ARMC12: variants seen among roughly 807,000 people sequenced by gnomAD.
The protein encoded by ARMC12 is armadillo repeat-containing protein 12.
In ARMC12, 25 loss-of-function variants were observed where a neutral mutation model predicts 37.4. That is an observed-to-expected ratio of 0.67 (90% CI 0.49 to 0.93). The LOEUF (loss-of-function observed/expected upper bound fraction) is 0.93. Ranked by LOEUF, ARMC12 falls within the 40% of genes least tolerant of loss-of-function variation. ARMC12 has a pLI of 0.00. For synonymous variants in ARMC12, 167 were observed against 176.1 expected (o/e 0.95, Z 0.41); for missense variants, 384 against 426.6 (o/e 0.90, Z 0.88).
intron 3 of ARMC12, 25 bp downstream of exon 3, chr6:35,738,543 G>A (rs746452387): frequency 1.8e-5 from 29 of 1,613,400 alleles, no homozygotes; most frequent in Non-Finnish European, 2.5e-5. Context: ...GCGTGGTGGG[G>A]CATGCAGGAT....
chr6:35,738,973 A>G (rs1767083602), intron 3 of ARMC12, among the ~76,000 whole-genome samples: 1 of 152,102 alleles, frequency 6.6e-6, no homozygotes, highest in Non-Finnish European at 1.5e-5. Context: ...GGGTTCCCAC[A>G]ACTCCCTTTT....
At chr6:35,743,021 C>G (rs1280936721) in intron 3 of ARMC12, among the ~76,000 whole-genome samples, 5 of 152,186 alleles carry the variant, frequency 3.3e-5, no homozygotes, top group Non-Finnish European at 5.9e-5. Flanking sequence ...TTCTGAAACC[C>G]TGTCCCAGAC....
chr6:35,733,441 CTTAT>C (rs1335111494), upstream of ARMC12, among the ~76,000 whole-genome samples: 2 of 152,160 alleles, frequency 1.3e-5, no homozygotes, highest in Admixed American at 1.3e-4. Context: ...TGAAGTAAGT[CTTAT>C]TGTTTCTATT....
At position 35,737,077 on chromosome 6, in the gene ARMC12, C is replaced by T. The variant is rs1455894471; in HGVS notation, c.-32C>T. On this transcript the variant is annotated 5_prime_UTR_variant, in exon 1 of 6. Coordinates refer to ENST00000373866, the MANE Select transcript of ARMC12 (RefSeq NM_001286574.2). ...CCCCCCACAGGTGCCTTGGGCCTAG[C>T]TCTCACCTGGGCCCAGGGCAACACT... 6.2e-7 allele frequency: 1 copy of T among 1,611,850 alleles called. No individual in the cohort carries two copies. The highest frequency in any genetic ancestry group is 8.5e-7 in the Non-Finnish European group (1 of 1,178,574).
chr6:35,734,385 C>T (rs929377055), upstream of ARMC12, among the ~76,000 whole-genome samples: 1 of 152,194 alleles, frequency 6.6e-6, no homozygotes, highest in African/African-American at 2.4e-5. Flanking sequence ...CAGGCTCGAA[C>T]TCCTGGGCTC....
In ARMC12 at chr6:35,738,082, C is replaced by T. The variant is rs773605203; in HGVS notation, c.219C>T (p.Leu73=). 5 of 1,613,928 alleles carry T rather than the reference C, an allele frequency of 3.1e-6. No individual in the cohort carries two copies. In the African/African-American group the frequency reaches 4.0e-5, roughly 13 times the overall value. Residue 73 remains leucine (L), a synonymous_variant, in exon 2 of 6, where the codon CTC becomes CTT. Transcript: ENST00000373866. ...HGRDSGELRR[L]LNSLECKQDE... ...GGGACTCAGGTGAGCTCCGGAGGCT[C>T]CTCAACTCTTTGGAGTGCAAACAGG...
chr6:35,742,365 G>A (rs1161634740), intron 3 of ARMC12, among the ~76,000 whole-genome samples: 7 of 151,404 alleles, frequency 4.6e-5, no homozygotes, highest in East Asian at 3.9e-4. Flanking sequence ...ACGTGGTGGC[G>A]GGCACCTGTA....
At position 35,738,289 on chromosome 6, in the gene ARMC12, G is replaced by GA. The variant is rs1554141448; in HGVS notation, c.310-95_310-94insA. 1.8e-5 allele frequency: 26 copies of GA among 1,427,692 alleles called. 1 individual carries two copies. The African/African-American group carries it at 2.9e-4, about 16-fold the overall frequency. The allele number at this position is 1,427,692 out of a possible 1,614,324, so 88.4% of individuals were successfully genotyped here. On this transcript the variant is annotated intron_variant, in intron 2 of 5. Coordinates refer to ENST00000373866, the MANE Select transcript of ARMC12 (RefSeq NM_001286574.2). ...ACCTCTCTCTGGCTGATAGCGGTGG[G>GA]GGGGGGGTGTGCGGAGGGATCTTGG...
the ARMC12 span, among the ~76,000 whole-genome samples, chr6:35,731,540 C>G: frequency 7.9e-5 from 12 of 152,250 alleles, no homozygotes; most frequent in East Asian, 2.3e-3. Flanking sequence ...CCATCGTCTC[C>G]TGGTGCCCTG....
At chr6:35,747,057 TAAAA>T (rs74403253) in intron 3 of ARMC12, among the ~76,000 whole-genome samples, 200 bp from the exon 4 acceptor site, 4 of 82,544 alleles carry the variant, frequency 4.8e-5, no homozygotes, top group South Asian at 4.7e-4. Flanking sequence ...AAGAAGTCTG[TAAAA>T]AAAAAAAAAA....
At chr6:35,741,813 G>T (rs1767176512) in intron 3 of ARMC12, among the ~76,000 whole-genome samples, 1 of 151,982 alleles carries the variant, frequency 6.6e-6, no homozygotes, top group Non-Finnish European at 1.5e-5. Flanking sequence ...ATCAATAAAA[G>T]CAAACACACA....
intron 2 of ARMC12, 73 bp downstream of exon 2, chr6:35,738,245 G>C (rs1461646629): frequency 7.6e-7 from 1 of 1,314,650 alleles, no homozygotes; most frequent in African/African-American, 1.5e-5. Flanking sequence ...CCCCTGGAAT[G>C]GCCAGACTAT....
intron 3 of ARMC12, among the ~76,000 whole-genome samples, chr6:35,742,521 G>A (rs1368101816): frequency 7.6e-3 from 601 of 78,590 alleles, no homozygotes; most frequent in South Asian, 0.01. Flanking sequence ...AAAAAAAAAA[G>A]CCCAGGGAGT....
At chr6:35,744,361 C>T (rs539761039) in intron 3 of ARMC12, among the ~76,000 whole-genome samples, 8 of 152,084 alleles carry the variant, frequency 5.3e-5, no homozygotes, top group Non-Finnish European at 8.8e-5. Flanking sequence ...AGGATGGTCT[C>T]GGTCTCTTGA....
At chr6:35,735,751 G>C (rs1010323128), upstream of ARMC12, 3 of 152,314 alleles carry the variant, frequency 2.0e-5, no homozygotes, top group Non-Finnish European at 4.4e-5. This position sits in a 1 kb window ranked among gnomAD's most constrained non-coding sequence, Gnocchi z 4.0. Context: ...AGAGGGAAGG[G>C]TCTGGTCTCA....
intron 3 of ARMC12, among the ~76,000 whole-genome samples, chr6:35,741,830 T>C (rs997883706): frequency 6.6e-6 from 1 of 151,994 alleles, no homozygotes; most frequent in Non-Finnish European, 1.5e-5. Context: ...CACAAAAGAA[T>C]AAAAATAGAT....
At chr6:35,732,117 C>CCTCCT (rs894415287), upstream of ARMC12, among the ~76,000 whole-genome samples, 1 of 152,170 alleles carries the variant, frequency 6.6e-6, no homozygotes, top group Non-Finnish European at 1.5e-5. Flanking sequence ...AAAGGCGCGG[C>CCTCCT]CTCCTTCCCC....
At chr6:35,748,452 A>G in intron 5 of ARMC12, 86 bp from the exon 6 acceptor site, 1 of 1,136,196 alleles carries the variant, frequency 8.8e-7, no homozygotes, top group Non-Finnish European at 1.2e-6. Context: ...TATATTTGGG[A>G]GTTTAGGCAA....
chr6:35,740,298 G>A (rs550496756), intron 3 of ARMC12, among the ~76,000 whole-genome samples: 1 of 151,832 alleles, frequency 6.6e-6, no homozygotes, highest in South Asian at 2.1e-4. Flanking sequence ...CTGCTTTCCT[G>A]CTGCTGCCAT....
Sources: gnomAD v4.1 joint callset for allele counts (sites outside exome capture counted in the v4.1 genomes callset) on GRCh38, gnomAD v4.1.1 for gene constraint, Gnocchi (gnomAD v3.1) non-coding constraint, MANE v1.5 for transcripts, NCBI Gene and HGNC (gene_info 2026-07-23, HGNC 2026-07-21) for gene names.